ZNF426: variants seen among roughly 807,000 people sequenced by gnomAD.
ZNF426 encodes zinc finger protein 426.
In ZNF426, 23 loss-of-function variants were observed where a neutral mutation model predicts 24.0. The ratio of observed to expected loss-of-function variants is 0.96; its 90% confidence interval spans 0.69 to 1.36. ZNF426 has a LOEUF of 1.36. Among genes scored for constraint, ZNF426 ranks in the 40% most tolerant of loss-of-function variants. The pLI is 0.00. For synonymous variants in ZNF426, 272 were observed against 224.6 expected (o/e 1.21, Z -1.89); for missense variants, 646 against 658.4 (o/e 0.98, Z 0.21).
chr19:9,529,356 C>T lies in ZNF426; in HGVS notation c.689G>A (p.Gly230Glu), dbSNP rs145283069. 1.1e-4 allele frequency: 183 copies of T among 1,614,220 alleles called. No individual in the cohort carries two copies. The African/African-American group carries it at 2.1e-3, about 18-fold the overall frequency. The change falls in exon 8 of 8, where the codon GGA (glycine) becomes GAA (glutamate). Residue 230 changes from glycine to glutamate, a missense_variant. Coordinates refer to ENST00000253115, the MANE Select transcript of ZNF426 (RefSeq NM_024106.3). ...QEKSFECSHC[G>E]KSFINESYLQ... ...GTATGACTCATTAATGAAGGATTTT[C>T]CACAGTGACTACATTCAAATGACTT...
intron 4 of ZNF426, among the ~76,000 whole-genome samples, chr19:9,534,663 C>T (rs1025686486): frequency 6.6e-6 from 1 of 151,960 alleles, no homozygotes. Flanking sequence ...GGTGCAATCA[C>T]AGCTCACTGC....
chr19:9,537,072 G>A (rs962742631), intron 2 of ZNF426, among the ~76,000 whole-genome samples: 1 of 151,978 alleles, frequency 6.6e-6, no homozygotes. Flanking sequence ...GGAAGTTGCA[G>A]GGAGCTGAGA....
chr19:9,528,324 A>AAT lies in ZNF426; in HGVS notation c.*55_*56insAT. On this transcript the variant is annotated 3_prime_UTR_variant, in exon 8 of 8. Coordinates refer to ENST00000253115, the MANE Select transcript of ZNF426 (RefSeq NM_024106.3). ...CAGAGTGAGTTCATTCATGTCTTTA[A>AAT]AGTGAACTGGAACAAATGAGAGCTT... 1 of 1,492,008 alleles carries AAT rather than the reference A, an allele frequency of 6.7e-7. No individual in the cohort carries two copies. The allele number at this position is 1,492,008 out of a possible 1,614,324, so 92.4% of individuals were successfully genotyped here.
chr19:9,535,553 G>A (rs370602663), intron 3 of ZNF426, among the ~76,000 whole-genome samples: 32 of 152,204 alleles, frequency 2.1e-4, no homozygotes, highest in Admixed American at 1.8e-3. Flanking sequence ...GCCTGGTGTG[G>A]TAACACACAC....
chr19:9,534,228 T>C (rs1449499501), intron 4 of ZNF426, among the ~76,000 whole-genome samples: 3 of 152,064 alleles, frequency 2.0e-5, no homozygotes, highest in Non-Finnish European at 4.4e-5. Flanking sequence ...TTTTTTGAAA[T>C]GGACTCTTAC....
At chr19:9,533,648 G>A (rs1039240871) in intron 5 of ZNF426, among the ~76,000 whole-genome samples, 192 bp downstream of exon 5, 4 of 152,156 alleles carry the variant, frequency 2.6e-5, no homozygotes, top group Non-Finnish European at 1.5e-5. Flanking sequence ...TTTCTAACAG[G>A]CAGATGGTGT....
At chr19:9,535,642 C>T (rs1340239213) in intron 3 of ZNF426, among the ~76,000 whole-genome samples, 2 of 151,744 alleles carry the variant, frequency 1.3e-5, no homozygotes, top group African/African-American at 4.9e-5. Context: ...CTGGACAACA[C>T]AGTGAACATA....
rs965288593 is a variant in ZNF426 at position 9,527,522 on chromosome 19, T to G, written c.*858A>C. 1 of 152,246 alleles carries G rather than the reference T, an allele frequency of 6.6e-6. No homozygotes were observed. The highest frequency in any genetic ancestry group is 1.5e-5 in the Non-Finnish European group (1 of 68,046). The allele number at this position is 152,246 out of a possible 1,614,324, so 9.4% of individuals were successfully genotyped here. On this transcript the variant is annotated 3_prime_UTR_variant, in exon 8 of 8. Coordinates refer to ENST00000253115, the MANE Select transcript of ZNF426 (RefSeq NM_024106.3). ...ACATTCACAGGCTTTTTCATGCTCC[T>G]TACATTCATACAATTTCTCTCCTAT...
chr19:9,532,286 T>C (rs1006946196), intron 6 of ZNF426, among the ~76,000 whole-genome samples: 14 of 147,286 alleles, frequency 9.5e-5, no homozygotes, highest in East Asian at 7.8e-4. Context: ...TTCTTTTTTT[T>C]TTTTTTTTTT....
rs562003742 is a variant in ZNF426 at position 9,527,202 on chromosome 19, G to A, written c.*1178C>T. On this transcript the variant is annotated 3_prime_UTR_variant, in exon 8 of 8. Coordinates refer to ENST00000253115, the MANE Select transcript of ZNF426 (RefSeq NM_024106.3). ...TTCCTTACCTTCCCAGGGTTCTGAG[G>A]TAATTTTACATGTGTAAAAAAAATT... The A allele has an allele frequency of 6.6e-6, 1 of 152,236 alleles. No homozygotes were observed. The highest frequency in any genetic ancestry group is 1.5e-5 in the Non-Finnish European group (1 of 68,006). 9.4% of individuals were successfully genotyped at this position (152,236 alleles called of 1,614,324 possible). A position where few individuals can be genotyped will look rare whatever the true frequency, so the allele number is the denominator to read the frequency against.
At position 9,527,073 on chromosome 19, in the gene ZNF426, T is replaced by G. The variant is rs945230279; in HGVS notation, c.*1307A>C. 2 of 152,184 alleles carry G rather than the reference T, an allele frequency of 1.3e-5. No individual in the cohort carries two copies. Among genetic ancestry groups the G allele is most frequent in the Admixed American group, 6.6e-5 (1 of 15,262 alleles). 9.4% of individuals were successfully genotyped at this position (152,184 alleles called of 1,614,324 possible). A position where few individuals can be genotyped will look rare whatever the true frequency, so the allele number is the denominator to read the frequency against. On this transcript the variant is annotated 3_prime_UTR_variant, in exon 8 of 8. Coordinates refer to ENST00000253115, the MANE Select transcript of ZNF426 (RefSeq NM_024106.3). The stretch of plus-strand genomic sequence containing the variant: ...AGGTCTGAGAGGGAGGATTTAGGAT[T>G]ATTTTGATAGTATAAGGTACTAACA...
At position 9,535,187 on chromosome 19, in the gene ZNF426, C is replaced by T. The variant is rs868600227; in HGVS notation, c.117+1G>A. ...TGTATAAGAATACAGCTGCTTTTTA[C>T]CTGATAACAATCTGTTAGGCAGTCA... On this transcript the variant is annotated splice_donor_variant, in intron 4 of 7. Coordinates refer to ENST00000253115, the MANE Select transcript of ZNF426 (RefSeq NM_024106.3). LOFTEE classifies it high-confidence loss of function. 1.9e-6 allele frequency: 3 copies of T among 1,609,724 alleles called. No homozygotes were observed. The highest frequency in any genetic ancestry group is 1.7e-5 in the Admixed American group (1 of 59,670).
rs1166711139 is a variant in ZNF426, at chr19:9,529,577, A to T, written c.468T>A (p.Ser156Arg). The change falls in exon 8 of 8, where the codon AGT (serine) becomes AGA (arginine). Residue 156 changes from serine to arginine, a missense_variant. Coordinates refer to ENST00000253115, the MANE Select transcript of ZNF426 (RefSeq NM_024106.3). ...CDCEQCGEVF[S>R]EHSCLKTHVR... ...CGTGCGTCTTAAGGCATGAGTGTTC[A>T]CTGAAGACTTCTCCACATTGCTCAC... is the stretch of plus-strand genomic sequence containing the variant. 1 of 1,607,992 alleles carries T rather than the reference A, an allele frequency of 6.2e-7. No individual in the cohort carries two copies. The highest frequency in any genetic ancestry group is 1.3e-5 in the African/African-American group (1 of 74,902).
chr19:9,530,806 G>T (rs1270982118), intron 7 of ZNF426, among the ~76,000 whole-genome samples, 179 bp downstream of exon 7: 1 of 152,070 alleles, frequency 6.6e-6, no homozygotes, highest in Non-Finnish European at 1.5e-5. Context: ...TACACTTGTG[G>T]GAATGTGTGA....
rs1360198396 is a variant in ZNF426 at position 9,529,620 on chromosome 19, C to T, written c.425G>A (p.Gly142Glu). Residue 142 changes from glycine to glutamate, a missense_variant, in exon 8 of 8, where the codon GGA becomes GAA. Physicochemically the swap from Gly to Glu is moderately conservative, Grantham distance 98 (BLOSUM62 -2). Coordinates refer to ENST00000253115, the MANE Select transcript of ZNF426 (RefSeq NM_024106.3). ...IGIQLEGKHN[G>E]RELCDCEQCG... ...TTGCTCACAGTCACAGAGTTCCCTT[C>T]CATTGTGTTTTCCTTCCTGTTGAAG... The T allele has an allele frequency of 1.0e-5, 16 of 1,592,376 alleles. No homozygotes were observed. The highest frequency in any genetic ancestry group is 1.3e-5 in the Non-Finnish European group (15 of 1,175,698).
Position 9,533,371 on chromosome 19 carries a change from G to A in ZNF426, c.245-446C>T, listed in dbSNP as rs557251306. Among the ~76,000 whole-genome samples, 6 of 152,276 alleles carry A rather than the reference G, an allele frequency of 3.9e-5. No homozygotes were observed. The East Asian group carries it at 9.6e-4, about 24-fold the overall frequency. On this transcript the variant is annotated intron_variant, in intron 5 of 7. Coordinates refer to ENST00000253115, the MANE Select transcript of ZNF426 (RefSeq NM_024106.3). Reference sequence around the variant, plus strand: ...TTCGGGAGGCTGAGGCCCAAGAATCGCTTGAACCCAGGAGGCAGAGATTGC... The same window carrying A: ...TTCGGGAGGCTGAGGCCCAAGAATCACTTGAACCCAGGAGGCAGAGATTGC...
At chr19:9,530,052 C>T (rs970018682) in intron 7 of ZNF426, among the ~76,000 whole-genome samples, 8 of 152,076 alleles carry the variant, frequency 5.3e-5, no homozygotes, top group South Asian at 2.1e-4. Flanking sequence ...ACCTGGGAGG[C>T]GGAGGTTGCA....
At position 9,529,049 on chromosome 19, in the gene ZNF426, T is replaced by G. The variant is rs138511581; in HGVS notation, c.996A>C (p.Gly332=). 238 of 1,613,640 alleles carry G rather than the reference T, an allele frequency of 1.5e-4. No homozygotes were observed. In the Middle Eastern group the frequency reaches 1.8e-3, roughly 12 times the overall value. The change falls in exon 8 of 8, where the codon GGA becomes GGC. Residue 332 remains glycine, a synonymous_variant. Coordinates refer to ENST00000253115, the MANE Select transcript of ZNF426 (RefSeq NM_024106.3). The part of the protein sequence containing the change: ...SFQIHGRTHT[G]EKPYVCKECG... ...ATTCCTTACATACATAGGGTTTCTC[T>G]CCAGTGTGAGTTCTTCCATGTATCT... is the stretch of plus-strand genomic sequence containing the variant.
rs371849577 is a variant in ZNF426, at chr19:9,536,549, T to C, written c.-124-193A>G. On this transcript the variant is annotated intron_variant, in intron 2 of 7. Transcript: ENST00000253115. ...GACCCTATCTCTAAAGAAACAAAAA[T>C]AAAAATAAGTAAACAAACAAAAAAA... 6.8e-4 allele frequency: 238 copies of C among 350,244 alleles called. 4 individuals carry two copies. In the South Asian group the frequency reaches 0.012, roughly 17 times the overall value. 21.7% of individuals were successfully genotyped at this position (350,244 alleles called of 1,614,324 possible).
Sources: allele counts gnomAD v4.1 joint callset (sites outside exome capture counted in the v4.1 genomes callset), GRCh38; gene constraint gnomAD v4.1.1; transcripts MANE v1.5; gene names NCBI Gene and HGNC (gene_info 2026-07-23, HGNC 2026-07-21).